The following GALNTL6 variants were observed in gnomAD, a reference collection of about 807,000 sequenced individuals.
The protein encoded by GALNTL6 is polypeptide N-acetylgalactosaminyltransferase like 6, also known as polypeptide N-acetylgalactosaminyltransferase-like 6.
A neutral mutation model predicts 73.7 loss-of-function variants in GALNTL6; 46 were observed. The ratio of observed to expected loss-of-function variants is 0.62; its 90% CI spans 0.49 to 0.80. The LOEUF (loss-of-function observed/expected upper bound fraction) is 0.80, where lower values mean the gene tolerates loss of function less well. Ranked by LOEUF, GALNTL6 falls within the 30% of genes least tolerant of loss-of-function variation. GALNTL6 has a pLI of 0.00. For synonymous variants in GALNTL6, 259 were observed against 263.7 expected, an observed-to-expected ratio of 0.98 and a Z score of 0.17; for missense variants, 604 against 755.0, an observed-to-expected ratio of 0.80 and a Z score of 2.34.
chr4:172,765,394 C>A (rs1738350069), intron 5 of GALNTL6, among the ~76,000 whole-genome samples: 1 of 152,100 alleles, frequency 6.6e-6, no homozygotes, highest in Admixed American at 6.5e-5. Context: ...ATATGAATCC[C>A]AAACACCCTA....
At chr4:172,689,651 G>A (rs529778906) in intron 5 of GALNTL6, among the ~76,000 whole-genome samples, 1 of 152,158 alleles carries the variant, frequency 6.6e-6, no homozygotes, top group East Asian at 1.9e-4. Flanking sequence ...TTTTCTGTGG[G>A]GTATGTGCCC....
chr4:172,793,172 G>T (rs1463947698), intron 5 of GALNTL6, among the ~76,000 whole-genome samples: 2 of 152,114 alleles, frequency 1.3e-5, no homozygotes, highest in Non-Finnish European at 2.9e-5. Context: ...TGCATTTCTA[G>T]TATTGACTTT....
At chr4:172,584,788 C>A (rs1314330820) in intron 5 of GALNTL6, among the ~76,000 whole-genome samples, 1 of 152,068 alleles carries the variant, frequency 6.6e-6, no homozygotes, top group African/African-American at 2.4e-5. Flanking sequence ...GGGTATATTT[C>A]GGCTGTGAAT....
chr4:172,858,956 T>A (rs1174272625), intron 7 of GALNTL6, among the ~76,000 whole-genome samples: 2 of 149,376 alleles, frequency 1.3e-5, no homozygotes, highest in African/African-American at 4.9e-5. Context: ...GAAATTATGG[T>A]CTCTTGAAAA....
intron 5 of GALNTL6, among the ~76,000 whole-genome samples, chr4:172,762,163 T>C (rs527759412): frequency 7.0e-4 from 106 of 152,380 alleles, no homozygotes; most frequent in Non-Finnish European, 1.5e-3. Flanking sequence ...AGCACTCTTA[T>C]TTTGTAGATT....
chr4:172,341,450 C>A (rs1229870082), intron 4 of GALNTL6, among the ~76,000 whole-genome samples: 28 of 118,014 alleles, frequency 2.4e-4, no homozygotes, highest in African/African-American at 1.1e-3. Context: ...GACTCCGTCT[C>A]AAAAAAAAAA....
At chr4:171,899,812 G>T in intron 2 of GALNTL6, among the ~76,000 whole-genome samples, 1 of 152,080 alleles carries the variant, frequency 6.6e-6, no homozygotes. Context: ...CTTATTGCAG[G>T]TCTTTCTTAA....
intron 5 of GALNTL6, among the ~76,000 whole-genome samples, chr4:172,540,196 G>A (rs982179232): frequency 1.3e-5 from 2 of 151,542 alleles, no homozygotes; most frequent in East Asian, 1.9e-4. Flanking sequence ...GACTACAGGC[G>A]TATGCCACCA....
chr4:172,684,047 T>A (rs1372891215), intron 5 of GALNTL6, among the ~76,000 whole-genome samples: 1 of 152,204 alleles, frequency 6.6e-6, no homozygotes, highest in Non-Finnish European at 1.5e-5. Flanking sequence ...CTATAAAGGA[T>A]AGATCGCTGT....
intron 2 of GALNTL6, among the ~76,000 whole-genome samples, chr4:172,137,393 A>C (rs924752698): frequency 1.3e-5 from 2 of 152,194 alleles, no homozygotes; most frequent in African/African-American, 4.8e-5. Context: ...ATTGTATATA[A>C]ATTTAATCTC....
At chr4:172,962,866 G>A (rs1218982144) in intron 10 of GALNTL6, among the ~76,000 whole-genome samples, 3 of 151,946 alleles carry the variant, frequency 2.0e-5, no homozygotes, top group African/African-American at 7.3e-5. Context: ...AAATTCAGCT[G>A]GATTACTGCA....
intron 7 of GALNTL6, among the ~76,000 whole-genome samples, chr4:172,857,863 A>C (rs1395774531): frequency 6.6e-6 from 1 of 152,154 alleles, no homozygotes; most frequent in Non-Finnish European, 1.5e-5. Flanking sequence ...GCTGTGTTTC[A>C]TTTACCGTGG....
Position 171,988,027 on chromosome 4 carries a change from T to C in GALNTL6, c.138+173309T>C, listed in dbSNP as rs373894161. 1.3e-4 allele frequency among the ~76,000 whole-genome samples: 20 copies of C among 152,092 alleles called. No individual in the cohort carries two copies. In the East Asian group the frequency reaches 1.9e-3, roughly 15 times the overall value. On this transcript the variant is annotated intron_variant, in intron 2 of 12. Coordinates refer to ENST00000506823, the MANE Select transcript of GALNTL6 (RefSeq NM_001034845.3). Reference sequence around the variant, plus strand: ...CGTCAGGTATGAGGAAGAAAATAGATTTTGGAAGTTATGAGAAATGTAGAG... The same window carrying C: ...CGTCAGGTATGAGGAAGAAAATAGACTTTGGAAGTTATGAGAAATGTAGAG...
chr4:173,024,931 T>G (rs891575985), intron 12 of GALNTL6, among the ~76,000 whole-genome samples: 2 of 152,138 alleles, frequency 1.3e-5, no homozygotes, highest in African/African-American at 4.8e-5. Flanking sequence ...AGATCAATAT[T>G]TCCTAGGAGA....
intron 5 of GALNTL6, among the ~76,000 whole-genome samples, chr4:172,405,576 T>A (rs1173970818): frequency 6.6e-6 from 1 of 151,178 alleles, no homozygotes; most frequent in African/African-American, 2.4e-5. Flanking sequence ...ATGTCTAGGG[T>A]TTTTTATTCT....
chr4:172,036,092 C>T (rs188269973), intron 2 of GALNTL6, among the ~76,000 whole-genome samples: 23 of 152,016 alleles, frequency 1.5e-4, no homozygotes, highest in Admixed American at 5.2e-4. Context: ...AGGACATAGC[C>T]CAGTAAGTAT....
rs111256198 is a variant in GALNTL6, at chr4:173,041,340, G to C, written c.*1240G>C. On this transcript the variant is annotated 3_prime_UTR_variant, in exon 13 of 13. Transcript: ENST00000506823. ...TCGGGGATGAAGAAAGGAATGCTCC[G>C]AAAACTAAATGGAACACTTAATCCT... 6.6e-6 allele frequency: 1 copy of C among 151,922 alleles called. No individual in the cohort carries two copies. Among genetic ancestry groups the C allele is most frequent in the Non-Finnish European group, 1.5e-5 (1 of 67,974 alleles). The allele number at this position is 151,922 out of a possible 1,614,324, so 9.4% of individuals were successfully genotyped here.
chr4:172,573,223 C>T (rs757564766), intron 5 of GALNTL6, among the ~76,000 whole-genome samples: 8 of 152,144 alleles, frequency 5.3e-5, no homozygotes, highest in Admixed American at 1.3e-4. Flanking sequence ...CATGAATGCA[C>T]ACCATCAAAC....
At chr4:172,800,549 T>A (rs1191670280) in intron 5 of GALNTL6, among the ~76,000 whole-genome samples, 1 of 152,206 alleles carries the variant, frequency 6.6e-6, no homozygotes, top group Non-Finnish European at 1.5e-5. Flanking sequence ...GTAATGCTGA[T>A]GGTAAGATAT....
Sources: allele counts gnomAD v4.1 joint callset (sites outside exome capture counted in the v4.1 genomes callset), GRCh38; gene constraint gnomAD v4.1.1; transcripts MANE v1.5; gene names NCBI Gene and HGNC (gene_info 2026-07-23, HGNC 2026-07-21).